Variants in GDAP2 observed in about 807,000 individuals in gnomAD.
The protein encoded by GDAP2 is ganglioside induced differentiation associated protein 2, also known as ganglioside-induced differentiation-associated protein 2.
A neutral mutation model predicts 67.0 loss-of-function variants in GDAP2; 51 were observed. That is an observed-to-expected ratio of 0.76 (90% CI 0.61 to 0.96). The LOEUF is 0.96. GDAP2 is among the 40% of genes least tolerant of loss of function. The probability of loss-of-function intolerance (pLI) is 0.00; values close to 1 mark genes in which losing one functional copy is unlikely to be tolerated. For missense variants in GDAP2, 547 were observed against 588.3 expected, an observed-to-expected ratio of 0.93 and a Z score of 0.73; for synonymous variants, 203 against 207.3, an observed-to-expected ratio of 0.98 and a Z score of 0.18.
rs1648171718 is a variant in GDAP2 at position 117,869,135 on chromosome 1, CT to C, written c.*1433del. The C allele has an allele frequency of 6.6e-6, 1 of 150,914 alleles. No individual in the cohort carries two copies. The highest frequency in any genetic ancestry group is 1.5e-5 in the Non-Finnish European group (1 of 67,756). 9.3% of individuals were successfully genotyped at this position (150,914 alleles called of 1,614,324 possible). ...AGAAAGGTTCTGCTTTTTTTTTTCT[CT>C]GAACTGCCAATGTACGTGATGGGGT... On this transcript the variant is annotated 3_prime_UTR_variant, in exon 14 of 14. Coordinates refer to ENST00000369443, the MANE Select transcript of GDAP2 (RefSeq NM_017686.4).
chr1:117,915,080 G>A (rs1650002654), intron 3 of GDAP2, among the ~76,000 whole-genome samples: 1 of 152,134 alleles, frequency 6.6e-6, no homozygotes, highest in African/African-American at 2.4e-5. Context: ...TGGAATGTAA[G>A]GGTCAAACTG....
chr1:117,903,071 T>C (rs778080856), intron 6 of GDAP2, among the ~76,000 whole-genome samples: 5 of 152,196 alleles, frequency 3.3e-5, no homozygotes, highest in Non-Finnish European at 5.9e-5. Flanking sequence ...GGATTGGTCA[T>C]TGTTAGTGTG....
chr1:117,891,962 G>C (rs1255110098), intron 8 of GDAP2, among the ~76,000 whole-genome samples: 1 of 152,078 alleles, frequency 6.6e-6, no homozygotes, highest in Admixed American at 6.6e-5. Flanking sequence ...TTAACAACTT[G>C]AGATCTAAAG....
Position 117,887,770 on chromosome 1 carries a change from T to G in GDAP2, c.958A>C (p.Asn320His). The G allele has an allele frequency of 6.6e-7, 1 of 1,526,218 alleles. No homozygotes were observed. The allele number at this position is 1,526,218 out of a possible 1,614,324, so 94.5% of individuals were successfully genotyped here. A position where few individuals can be genotyped will look rare whatever the true frequency, so the allele number is the denominator to read the frequency against. Residue 320 changes from asparagine (N) to histidine (H), a missense_variant, in exon 9 of 14, where the codon AAT becomes CAT. Transcript: ENST00000369443. ...ALQKQHQRNY[N>H]RWLCQARSED... The stretch of plus-strand genomic sequence containing the variant: ...GATCTTGCTTGACATAACCAGCGAT[T>G]ATAACTAGGGAAATAAATGATATAA...
chr1:117,898,256 A>G (rs539623607), intron 7 of GDAP2, among the ~76,000 whole-genome samples: 6 of 152,322 alleles, frequency 3.9e-5, no homozygotes, highest in African/African-American at 1.4e-4. Context: ...AGGATATACT[A>G]TACTGGAGGC....
At chr1:117,894,622 G>A (rs1649205501) in intron 8 of GDAP2, among the ~76,000 whole-genome samples, 2 of 152,212 alleles carry the variant, frequency 1.3e-5, no homozygotes, top group Non-Finnish European at 2.9e-5. Flanking sequence ...ATATTGAAGT[G>A]TGAAGTTGCC....
intron 13 of GDAP2, among the ~76,000 whole-genome samples, chr1:117,870,889 C>A (rs1648235486): frequency 6.6e-6 from 1 of 152,084 alleles, no homozygotes; most frequent in East Asian, 1.9e-4. Context: ...TTAAAGTCAT[C>A]CCTTTAAATC....
At chr1:117,892,425 C>T (rs182701667) in intron 8 of GDAP2, among the ~76,000 whole-genome samples, 515 of 152,102 alleles carry the variant, frequency 3.4e-3, no homozygotes, top group Non-Finnish European at 6.3e-3. Flanking sequence ...ATCTTTTGTT[C>T]CAATCCAAAA....
At chr1:117,899,888 TAAA>T (rs1438419005) in intron 6 of GDAP2, among the ~76,000 whole-genome samples, 1 of 152,118 alleles carries the variant, frequency 6.6e-6, no homozygotes, top group Non-Finnish European at 1.5e-5. Flanking sequence ...CAAACTATAC[TAAA>T]AAAGACTGAA....
chr1:117,894,731 T>C (rs1242188669), intron 8 of GDAP2, among the ~76,000 whole-genome samples: 2 of 152,164 alleles, frequency 1.3e-5, no homozygotes, highest in African/African-American at 4.8e-5. Flanking sequence ...CAAACTGTAG[T>C]TATTCAACAT....
intron 1 of GDAP2, among the ~76,000 whole-genome samples, chr1:117,928,963 C>T (rs558472846): frequency 1.3e-5 from 2 of 152,200 alleles, no homozygotes; most frequent in Admixed American, 1.3e-4. Context: ...CTCAAGCGGC[C>T]AGAGAGCGGA....
At chr1:117,893,194 A>G (rs562279663) in intron 8 of GDAP2, among the ~76,000 whole-genome samples, 1 of 152,310 alleles carries the variant, frequency 6.6e-6, no homozygotes, top group East Asian at 1.9e-4. Context: ...TAAGCCAGTC[A>G]AGTAATACTA....
At position 117,914,291 on chromosome 1, in the gene GDAP2, C is replaced by T. The variant is rs533201274; in HGVS notation, c.317-1608G>A. Reference sequence around the variant, plus strand: ...CAGAATGTCATAAAAACAAACTATTCAGAGAACAGGAAATGGCACTTATGT... The same window carrying T: ...CAGAATGTCATAAAAACAAACTATTTAGAGAACAGGAAATGGCACTTATGT... On this transcript the variant is annotated intron_variant, in intron 3 of 13. Transcript: ENST00000369443. Among the ~76,000 whole-genome samples the T allele has an allele frequency of 2.0e-5, 3 of 152,182 alleles. No individual in the cohort carries two copies. In the East Asian group the frequency reaches 5.8e-4, roughly 29 times the overall value.
chr1:117,888,788 A>G lies in GDAP2; in HGVS notation c.954-1014T>C, dbSNP rs374595912. Among the ~76,000 whole-genome samples the G allele has an allele frequency of 2.6e-4, 40 of 152,228 alleles. No individual in the cohort carries two copies. The East Asian group carries it at 3.7e-3, about 14-fold the overall frequency. Reference sequence around the variant, plus strand: ...CTTTCGGTGCAAACTTACTAAAGTCATTTACCTTTATGGAATTCAGTTTCC... The same window carrying G: ...CTTTCGGTGCAAACTTACTAAAGTCGTTTACCTTTATGGAATTCAGTTTCC... On this transcript the variant is annotated intron_variant, in intron 8 of 13. Coordinates refer to ENST00000369443, the MANE Select transcript of GDAP2 (RefSeq NM_017686.4).
chr1:117,928,678 T>G (rs959477976), intron 1 of GDAP2, among the ~76,000 whole-genome samples: 2 of 152,250 alleles, frequency 1.3e-5, no homozygotes, highest in Admixed American at 6.5e-5. Flanking sequence ...CTCAGGAAAC[T>G]CTAAAGAAAA....
At chr1:117,876,376 C>CA (rs765270013) in intron 13 of GDAP2, among the ~76,000 whole-genome samples, 1 of 152,180 alleles carries the variant, frequency 6.6e-6, no homozygotes, top group East Asian at 1.9e-4. Context: ...TCACCAGAAG[C>CA]AGATGCTGGT....
At chr1:117,913,290 T>C (rs1308659177) in intron 3 of GDAP2, 4 of 152,202 alleles carry the variant, frequency 2.6e-5, no homozygotes, top group African/African-American at 9.7e-5. Flanking sequence ...TTGTAAAGGC[T>C]ATGCTGTCAA....
At chr1:117,888,905 C>T (rs1648962677) in intron 8 of GDAP2, among the ~76,000 whole-genome samples, 1 of 152,120 alleles carries the variant, frequency 6.6e-6, no homozygotes, top group African/African-American at 2.4e-5. Context: ...AAGTCTGTCA[C>T]ATACAGACTG....
At chr1:117,895,025 T>C (rs1352215267) in intron 8 of GDAP2, among the ~76,000 whole-genome samples, 2 of 152,104 alleles carry the variant, frequency 1.3e-5, no homozygotes, top group Non-Finnish European at 2.9e-5. Context: ...AATCAATACT[T>C]TCCAAAAAGC....
Sources: gnomAD v4.1 joint callset for allele counts (sites outside exome capture counted in the v4.1 genomes callset) on GRCh38, gnomAD v4.1.1 for gene constraint, MANE v1.5 for transcripts, NCBI Gene and HGNC (gene_info 2026-07-23, HGNC 2026-07-21) for gene names.